The following ZNF215 variants were observed in gnomAD, a reference collection of about 807,000 sequenced individuals.
The protein encoded by ZNF215 is zinc finger protein 215.
ZNF215 carries 24 observed loss-of-function variants against 27.2 expected under a neutral mutation model. That is an observed-to-expected ratio of 0.88 (90% CI 0.64 to 1.24). The LOEUF (loss-of-function observed/expected upper bound fraction) is 1.24, where lower values mean the gene tolerates loss of function less well. Ranked by LOEUF, ZNF215 falls within the 50% of genes most tolerant of loss-of-function variation. The pLI is 0.00. For missense variants in ZNF215, 675 were observed against 605.7 expected, an observed-to-expected ratio of 1.11 and a Z score of -1.20; for synonymous variants, 210 against 204.0, an observed-to-expected ratio of 1.03 and a Z score of -0.25.
intron 3 of ZNF215, among the ~76,000 whole-genome samples, chr11:6,940,101 C>G (rs1412555211): frequency 6.6e-6 from 1 of 151,676 alleles, no homozygotes; most frequent in African/African-American, 2.4e-5. Context: ...AGTATGGTGG[C>G]ACATGCCTGT....
intron 5 of ZNF215, among the ~76,000 whole-genome samples, chr11:6,977,501 G>A (rs1354811215): frequency 6.6e-6 from 1 of 151,954 alleles, no homozygotes; most frequent in Non-Finnish European, 1.5e-5. Flanking sequence ...ATTATATTTG[G>A]AGATAGGGCC....
At chr11:6,953,322 C>T (rs919441422) in intron 6 of ZNF215, among the ~76,000 whole-genome samples, 3 of 152,186 alleles carry the variant, frequency 2.0e-5, no homozygotes, top group Admixed American at 6.5e-5. Flanking sequence ...AAATGTCTTG[C>T]AGAGTGTTTT....
chr11:6,985,984 A>T (rs1450045706), downstream of ZNF215, among the ~76,000 whole-genome samples: 4 of 152,200 alleles, frequency 2.6e-5, no homozygotes, highest in African/African-American at 9.6e-5. Context: ...CACTATTCCT[A>T]TTAAACTATC....
chr11:6,963,966 T>A (rs1208044278), intron 5 of ZNF215, among the ~76,000 whole-genome samples: 5 of 152,206 alleles, frequency 3.3e-5, no homozygotes, highest in Non-Finnish European at 5.9e-5. Flanking sequence ...CCGGGTTTTT[T>A]AAATGTTTTC....
chr11:6,978,494 T>G (rs1404914380), intron 5 of ZNF215, among the ~76,000 whole-genome samples: 4 of 152,036 alleles, frequency 2.6e-5, no homozygotes, highest in African/African-American at 4.8e-5. Context: ...GAACTCTGAT[T>G]AATATGTGTG....
Position 6,955,888 on chromosome 11 carries a change from G to T in ZNF215, c.911G>T (p.Ser304Ile). ...ACTGAGGAGGAAGATTTTGAATGTA[G>T]TGAAAATAAGAAAAGCTTTGATATT... Reference protein sequence around the residue: ...IYTEEEDFECSENKKSFDINS... With the variant: ...IYTEEEDFECIENKKSFDINS... The change falls in exon 7 of 7, where the codon AGT becomes ATT. Residue 304 changes from serine (S) to isoleucine (I), a missense_variant. Transcript: ENST00000278319. 6.2e-7 allele frequency: 1 copy of T among 1,610,006 alleles called. No individual in the cohort carries two copies.
At chr11:6,976,855 G>A (rs573822428) in intron 5 of ZNF215, among the ~76,000 whole-genome samples, 3 of 152,144 alleles carry the variant, frequency 2.0e-5, no homozygotes, top group African/African-American at 7.2e-5. Flanking sequence ...CAAACTTAAT[G>A]GCTTAAAACA....
intron 2 of ZNF215, among the ~76,000 whole-genome samples, chr11:6,930,988 T>G (rs1359277858): frequency 6.6e-6 from 1 of 152,232 alleles, no homozygotes; most frequent in Non-Finnish European, 1.5e-5. Context: ...CTGTGTAGGA[T>G]ATTTAACAAC....
At chr11:6,974,615 G>T (rs1019369550) in intron 5 of ZNF215, among the ~76,000 whole-genome samples, 2 of 152,092 alleles carry the variant, frequency 1.3e-5, no homozygotes, top group African/African-American at 4.8e-5. Context: ...CACATCCCTT[G>T]TAAGTTGGAT....
downstream of ZNF215, among the ~76,000 whole-genome samples, chr11:6,987,783 T>C (rs541882279): frequency 4.6e-5 from 7 of 152,276 alleles, no homozygotes; most frequent in African/African-American, 1.7e-4. Flanking sequence ...CTGCTATAAA[T>C]CTTGACATAT....
intron 4 of ZNF215, among the ~76,000 whole-genome samples, chr11:6,942,384 T>A (rs1849660268): frequency 6.6e-6 from 1 of 152,208 alleles, no homozygotes; most frequent in Admixed American, 6.5e-5. Context: ...TAGTGCATAA[T>A]ATGCCAGATA....
chr11:6,964,215 T>C (rs1850571374), intron 5 of ZNF215, among the ~76,000 whole-genome samples: 2 of 152,060 alleles, frequency 1.3e-5, no homozygotes, highest in Admixed American at 1.3e-4. Flanking sequence ...ATATGTATTT[T>C]GTGTAAATAT....
rs1264612162 is a variant in ZNF215, at chr11:6,957,690, A to G, written c.*1159A>G. ...AATTGGTTTTGTTATACATCATTTC[A>G]CTTAAAGTTGCAGTTCCTAAGAACC... On this transcript the variant is annotated 3_prime_UTR_variant, in exon 7 of 7. Transcript: ENST00000278319. 24 of 947,136 alleles carry G rather than the reference A, an allele frequency of 2.5e-5. No individual in the cohort carries two copies. Among genetic ancestry groups the G allele is most frequent in the Non-Finnish European group, 2.9e-5 (23 of 795,248 alleles). The allele number at this position is 947,136 out of a possible 1,614,324, so 58.7% of individuals were successfully genotyped here. A position where few individuals can be genotyped will look rare whatever the true frequency, so the allele number is the denominator to read the frequency against.
chr11:6,927,278 C>A (rs900440246), intron 1 of ZNF215, among the ~76,000 whole-genome samples: 1 of 152,130 alleles, frequency 6.6e-6, no homozygotes, highest in African/African-American at 2.4e-5. Flanking sequence ...TAAAATAATT[C>A]TTTCTCCATT....
intron 5 of ZNF215, among the ~76,000 whole-genome samples, chr11:6,974,452 A>G (rs948136031): frequency 1.1e-4 from 16 of 152,214 alleles, no homozygotes; most frequent in African/African-American, 3.1e-4. Flanking sequence ...GTAGCTTGAT[A>G]GGGATGGCAT....
intron 5 of ZNF215, among the ~76,000 whole-genome samples, chr11:6,980,713 C>G (rs1850932481): frequency 6.7e-6 from 1 of 149,854 alleles, no homozygotes; most frequent in South Asian, 2.1e-4. Flanking sequence ...CACCCATTAA[C>G]TCGTCATTTA....
chr11:6,955,333 A>C (rs1850285162), intron 6 of ZNF215, among the ~76,000 whole-genome samples: 1 of 152,206 alleles, frequency 6.6e-6, no homozygotes, highest in Non-Finnish European at 1.5e-5. Context: ...TGGGATAAAC[A>C]AGATGCTAGA....
At chr11:6,940,869 A>T (rs1849611218) in intron 3 of ZNF215, among the ~76,000 whole-genome samples, 1 of 152,214 alleles carries the variant, frequency 6.6e-6, no homozygotes, top group Non-Finnish European at 1.5e-5. Flanking sequence ...CCTTATATTG[A>T]ATAAATGTAA....
intron 6 of ZNF215, among the ~76,000 whole-genome samples, chr11:6,954,138 G>T (rs1478314722): frequency 6.6e-6 from 1 of 152,156 alleles, no homozygotes; most frequent in South Asian, 2.1e-4. Context: ...ATGTCAGTCT[G>T]CCCCTACTGG....
Sources: gnomAD v4.1 joint callset for allele counts (sites outside exome capture counted in the v4.1 genomes callset) on GRCh38, gnomAD v4.1.1 for gene constraint, MANE v1.5 for transcripts, NCBI Gene and HGNC (gene_info 2026-07-23, HGNC 2026-07-21) for gene names.